The following ASTN2 variants were observed in gnomAD, a reference collection of about 807,000 sequenced individuals.
The protein encoded by ASTN2 is astrotactin 2.
Under a neutral mutation model 139.8 loss-of-function variants are expected in ASTN2, and 54 were observed. The ratio of observed to expected loss-of-function variants is 0.39; its 90% CI spans 0.31 to 0.48. ASTN2 has a LOEUF of 0.48. Ranked by LOEUF, ASTN2 falls within the 20% of genes least tolerant of loss-of-function variation. ASTN2 has a pLI of 0.95. For missense variants in ASTN2, 1,565 were observed against 1,725.1 expected, an observed-to-expected ratio of 0.91 and a Z score of 1.64; for synonymous variants, 756 against 719.5, an observed-to-expected ratio of 1.05 and a Z score of -0.81.
At chr9:117,341,093 AT>A (rs1438815764) in intron 1 of ASTN2, among the ~76,000 whole-genome samples, 1 of 152,204 alleles carries the variant, frequency 6.6e-6, no homozygotes, top group Non-Finnish European at 1.5e-5. Flanking sequence ...TCTTACAACT[AT>A]TGTAGTTCTC....
intron 13 of ASTN2, among the ~76,000 whole-genome samples, chr9:116,786,953 C>T (rs1830394759): frequency 6.6e-6 from 1 of 152,154 alleles, no homozygotes; most frequent in African/African-American, 2.4e-5. Context: ...TTAAAAGGGG[C>T]TTCCCCTTTC....
intron 2 of ASTN2, among the ~76,000 whole-genome samples, chr9:117,251,159 T>C (rs1166527489): frequency 1.3e-5 from 2 of 152,122 alleles, no homozygotes; most frequent in African/African-American, 2.4e-5. Context: ...TTGCTCAAGG[T>C]CACAAATGGA....
intron 20 of ASTN2, among the ~76,000 whole-genome samples, chr9:116,476,490 AT>A (rs1181651087): frequency 3.9e-5 from 6 of 152,104 alleles, no homozygotes; most frequent in African/African-American, 1.4e-4. Context: ...TCCCTGGAGC[AT>A]GATATGCAGT....
At chr9:117,012,484 G>A (rs924017035) in intron 6 of ASTN2, among the ~76,000 whole-genome samples, 2 of 152,176 alleles carry the variant, frequency 1.3e-5, no homozygotes, top group East Asian at 3.9e-4. Flanking sequence ...TAGACATAGA[G>A]ACTAAGAAAT....
chr9:116,658,665 C>G (rs560209862), intron 16 of ASTN2, among the ~76,000 whole-genome samples: 1 of 151,496 alleles, frequency 6.6e-6, no homozygotes, highest in Non-Finnish European at 1.5e-5. Flanking sequence ...GATGCCAGGA[C>G]CAGAGACCGC....
chr9:117,097,116 G>A (rs1485274793), intron 4 of ASTN2, among the ~76,000 whole-genome samples: 1 of 152,176 alleles, frequency 6.6e-6, no homozygotes, highest in Non-Finnish European at 1.5e-5. Flanking sequence ...GCAGCCAGGA[G>A]GCTCAGTGAC....
intron 7 of ASTN2, among the ~76,000 whole-genome samples, chr9:116,986,414 C>T (rs914024680): frequency 4.6e-5 from 7 of 152,104 alleles, no homozygotes; most frequent in Non-Finnish European, 7.4e-5. Flanking sequence ...AAGCAGCTGG[C>T]ATTAGCGTAG....
chr9:117,098,222 A>T lies in ASTN2; in HGVS notation c.1169-2071T>A, dbSNP rs570221325. On this transcript the variant is annotated intron_variant, in intron 4 of 22. Coordinates refer to ENST00000313400, the MANE Select transcript of ASTN2 (RefSeq NM_001365068.1). Reference sequence around the variant, plus strand: ...CAGCATTCAGAGCTTTGTATACAACATCTCATTCCGAATTCATACTACCCT... The same window carrying T: ...CAGCATTCAGAGCTTTGTATACAACTTCTCATTCCGAATTCATACTACCCT... 7.9e-5 allele frequency among the ~76,000 whole-genome samples: 12 copies of T among 152,314 alleles called. No homozygotes were observed. The East Asian group carries it at 1.5e-3, about 20-fold the overall frequency.
chr9:116,699,255 G>C lies in ASTN2; in HGVS notation c.2806+26516C>G, dbSNP rs1456670094. 6.2e-7 allele frequency: 1 copy of C among 1,614,220 alleles called. No individual in the cohort carries two copies. Among genetic ancestry groups the C allele is most frequent in the Admixed American group, 1.7e-5 (1 of 60,026 alleles). ...CACAGTTGATCGAGGATCAGGGGTG[G>C]TCAAATACAGCTGCCTATGTAGTGC... On this transcript the variant is annotated intron_variant, in intron 16 of 22. Coordinates refer to ENST00000313400, the MANE Select transcript of ASTN2 (RefSeq NM_001365068.1). The surrounding 1 kb of genome is among the most constrained non-coding windows in gnomAD (Gnocchi z 4.2).
intron 13 of ASTN2, among the ~76,000 whole-genome samples, chr9:116,757,346 G>A (rs1271011645): frequency 2.0e-5 from 3 of 152,106 alleles, no homozygotes; most frequent in Non-Finnish European, 4.4e-5. Context: ...TTTGGCATGC[G>A]TGAACTTAAT....
At chr9:116,654,839 T>C (rs902829947) in intron 16 of ASTN2, among the ~76,000 whole-genome samples, 2 of 152,208 alleles carry the variant, frequency 1.3e-5, no homozygotes, top group African/African-American at 4.8e-5. Flanking sequence ...AGAGTAAAAA[T>C]TCCCTTGATC....
chr9:116,979,751 G>T (rs1278335985), intron 7 of ASTN2, among the ~76,000 whole-genome samples: 1 of 152,058 alleles, frequency 6.6e-6, no homozygotes, highest in East Asian at 1.9e-4. Flanking sequence ...GGATGAGGAG[G>T]GGCCAACAAG....
chr9:117,102,923 A>G (rs777551756), intron 4 of ASTN2, among the ~76,000 whole-genome samples: 2 of 152,180 alleles, frequency 1.3e-5, no homozygotes, highest in Non-Finnish European at 2.9e-5. Flanking sequence ...TGATAGAACC[A>G]TAAATGGGGA....
At chr9:117,063,407 G>C (rs1172542843) in intron 5 of ASTN2, among the ~76,000 whole-genome samples, 1 of 152,118 alleles carries the variant, frequency 6.6e-6, no homozygotes, top group Non-Finnish European at 1.5e-5. Context: ...TTGTCTTCAT[G>C]CTAGTGAATA....
rs1293909944 is a variant in ASTN2 at position 117,414,853 on chromosome 9, G to A, written c.86C>T (p.Pro29Leu). 6.3e-6 allele frequency: 7 copies of A among 1,109,284 alleles called. No individual in the cohort carries two copies. The highest frequency in any genetic ancestry group is 2.2e-6 in the Non-Finnish European group (2 of 895,836). The allele number at this position is 1,109,284 out of a possible 1,614,324, so 68.7% of individuals were successfully genotyped here. ...RPRLCFHPGP[P>L]PLLPLLLLFL... is the part of the protein sequence containing the mutation. Reference sequence around the variant, plus strand: ...CAGCAGCAGCAGCGGCAGCAGTGGCGGCGGCCCCGGGTGGAAGCAGAGCCT... The same window carrying A: ...CAGCAGCAGCAGCGGCAGCAGTGGCAGCGGCCCCGGGTGGAAGCAGAGCCT... Residue 29 changes from proline to leucine, a missense_variant, in exon 1 of 23, where the codon CCG becomes CTG. Physicochemically the swap from Pro to Leu is moderately conservative, Grantham distance 98 (BLOSUM62 -3). This residue lies in a region of ASTN2 where 596 missense variants were observed against 576.8 expected (regional missense o/e 1.03). Coordinates refer to ENST00000313400, the MANE Select transcript of ASTN2 (RefSeq NM_001365068.1). This position sits in a 1 kb window ranked among gnomAD's most constrained non-coding sequence, Gnocchi z 4.2.
intron 16 of ASTN2, among the ~76,000 whole-genome samples, chr9:116,718,673 C>T (rs1391565327): frequency 6.6e-6 from 1 of 151,834 alleles, no homozygotes; most frequent in African/African-American, 2.4e-5. Context: ...AAAGGTTGAC[C>T]CTCCCACCTG....
At chr9:117,274,257 G>C (rs1296754826) in intron 2 of ASTN2, among the ~76,000 whole-genome samples, 3 of 152,196 alleles carry the variant, frequency 2.0e-5, no homozygotes, top group Admixed American at 6.5e-5. Context: ...GGCTGAGGCA[G>C]GAGAATCGCC....
At chr9:117,160,539 T>TATCA (rs1830525694) in intron 3 of ASTN2, among the ~76,000 whole-genome samples, 2 of 152,104 alleles carry the variant, frequency 1.3e-5, no homozygotes. Flanking sequence ...GCTCATGTCC[T>TATCA]ATCAACTTGT....
intron 11 of ASTN2, among the ~76,000 whole-genome samples, chr9:116,832,628 T>G (rs1447164345): frequency 6.6e-6 from 1 of 152,136 alleles, no homozygotes; most frequent in Admixed American, 6.5e-5. Context: ...GATGTGATTT[T>G]TCTTCTTCTG....
Sources: allele counts gnomAD v4.1 joint callset (sites outside exome capture counted in the v4.1 genomes callset), GRCh38; gene constraint gnomAD v4.1.1; regional missense constraint gnomAD v4.1.1; non-coding constraint Gnocchi (gnomAD v3.1); transcripts MANE v1.5; gene names NCBI Gene and HGNC (gene_info 2026-07-23, HGNC 2026-07-21).